SLC2A11: variants seen among roughly 807,000 people sequenced by gnomAD.
SLC2A11 encodes solute carrier family 2, facilitated glucose transporter member 11.
Under a neutral mutation model 52.1 loss-of-function variants are expected in SLC2A11, and 43 were observed. The observed-to-expected ratio is 0.82, with a 90% CI of 0.65 to 1.06. The LOEUF is 1.06. Ranked by LOEUF, SLC2A11 falls within the 50% of genes least tolerant of loss-of-function variation. The probability of loss-of-function intolerance (pLI) is 0.00; values close to 1 mark genes in which losing one functional copy is unlikely to be tolerated. For synonymous variants in SLC2A11, 261 were observed against 277.6 expected, an observed-to-expected ratio of 0.94 and a Z score of 0.59; for missense variants, 582 against 654.2, an observed-to-expected ratio of 0.89 and a Z score of 1.20.
intron 1 of SLC2A11, among the ~76,000 whole-genome samples, chr22:23,858,515 T>C (rs1386500454): frequency 6.6e-6 from 1 of 152,228 alleles, no homozygotes; most frequent in Non-Finnish European, 1.5e-5. Context: ...CTGATTTCTT[T>C]AGGTATTTGC....
chr22:23,883,557 C>T (rs1226920526), intron 8 of SLC2A11: 6 of 501,598 alleles, frequency 1.2e-5, no homozygotes, highest in Admixed American at 3.9e-5. Flanking sequence ...CTACGGTTTG[C>T]GGGTCACTTC....
chr22:23,879,176 G>A (rs1418270062), intron 6 of SLC2A11, among the ~76,000 whole-genome samples: 2 of 152,002 alleles, frequency 1.3e-5, no homozygotes, highest in African/African-American at 2.4e-5. Flanking sequence ...ACAGGTTCTC[G>A]CTTGTCCAGG....
In SLC2A11 at chr22:23,886,102, A is replaced by G. The variant is rs759154934; in HGVS notation, c.*1253A>G. ...TGAAGTCATTCCGTACTGTATGTAC[A>G]CATTTGTGTCTGGCTTGGCTCCAGA... is the stretch of plus-strand genomic sequence containing the variant. On this transcript the variant is annotated 3_prime_UTR_variant, in exon 12 of 12. Transcript: ENST00000316185. The G allele has an allele frequency of 9.9e-5, 15 of 152,238 alleles. No homozygotes were observed. The highest frequency in any genetic ancestry group is 2.9e-5 in the Non-Finnish European group (2 of 68,054). The allele number at this position is 152,238 out of a possible 1,614,324, so 9.4% of individuals were successfully genotyped here.
At chr22:23,860,627 G>A (rs2032015024) in intron 1 of SLC2A11, among the ~76,000 whole-genome samples, 1 of 151,582 alleles carries the variant, frequency 6.6e-6, no homozygotes, top group African/African-American at 2.4e-5. Flanking sequence ...CCAGCTACTC[G>A]GGAGGCTGAG....
At chr22:23,876,072 G>C (rs1012823475) in intron 4 of SLC2A11, among the ~76,000 whole-genome samples, 2 of 152,120 alleles carry the variant, frequency 1.3e-5, no homozygotes, top group African/African-American at 2.4e-5. Flanking sequence ...ATGGCAGCTG[G>C]CTTCTTCCAG....
At chr22:23,867,377 T>C (rs867262144) in intron 2 of SLC2A11, 76 of 164,314 alleles carry the variant, frequency 4.6e-4, no homozygotes, top group African/African-American at 1.8e-3. Flanking sequence ...TTTGTATTTT[T>C]AGTAGAGATG....
At chr22:23,869,590 C>T in intron 3 of SLC2A11, 1 of 172,386 alleles carries the variant, frequency 5.8e-6, no homozygotes. Flanking sequence ...ATCGAGGCTG[C>T]AGTGAGCCTT....
Position 23,877,385 on chromosome 22 carries a change from G to C in SLC2A11, c.545+214G>C. The C allele has an allele frequency of 4.5e-6, 4 of 889,324 alleles. No homozygotes were observed. The East Asian group carries it at 7.9e-5, about 18-fold the overall frequency. The allele number at this position is 889,324 out of a possible 1,614,324, so 55.1% of individuals were successfully genotyped here. A position where few individuals can be genotyped will look rare whatever the true frequency, so the allele number is the denominator to read the frequency against. ...AATCACCTTTTCCCATCCTCTCCAG[G>C]TCAGGGAGCAAAGAACAGGTCTTCA... On this transcript the variant is annotated intron_variant, in intron 5 of 11. Transcript: ENST00000316185.
At chr22:23,879,878 G>A (rs1351648177) in intron 6 of SLC2A11, 1 of 152,256 alleles carries the variant, frequency 6.6e-6, no homozygotes, top group East Asian at 1.9e-4. Flanking sequence ...GTTGCACAAT[G>A]TGCTGCTTTT....
In SLC2A11 at chr22:23,877,870, GTGAGT is replaced by G. The variant is rs2032675716; in HGVS notation, c.694+2_694+6del. On this transcript the variant is annotated splice_donor_variant and splice_donor_5th_base_variant and intron_variant, in intron 6 of 11. Coordinates refer to ENST00000316185, the MANE Select transcript of SLC2A11 (RefSeq NM_001024939.4). LOFTEE classifies it high-confidence loss of function. ...GGAGACACCGAGGCCTGCCTGGCAG[GTGAGT>G]CTCTGTCCTTGGGCTCCCAGACTGC... The G allele has an allele frequency of 3.1e-6, 5 of 1,608,794 alleles. No individual in the cohort carries two copies. Among genetic ancestry groups the G allele is most frequent in the Non-Finnish European group, 3.4e-6 (4 of 1,177,262 alleles).
upstream of SLC2A11, chr22:23,857,822 T>C: frequency 6.8e-7 from 1 of 1,473,920 alleles, no homozygotes; most frequent in Non-Finnish European, 8.9e-7. Context: ...GCGCTACAGC[T>C]TCGTCTCGAC....
chr22:23,884,194 C>T lies in SLC2A11; in HGVS notation c.1172-108C>T. On this transcript the variant is annotated intron_variant, in intron 10 of 11. Transcript: ENST00000316185. The surrounding 1 kb of genome is among the most constrained non-coding windows in gnomAD (Gnocchi z 4.3). ...GCAGGAGGAGAGCACTGAGGGGCCC[C>T]CCATACAGACTGGGCCTGGGCTCCC... The T allele has an allele frequency of 6.7e-7, 1 of 1,496,588 alleles. No individual in the cohort carries two copies. Among genetic ancestry groups the T allele is most frequent in the Non-Finnish European group, 8.9e-7 (1 of 1,122,610 alleles). 92.7% of individuals were successfully genotyped at this position (1,496,588 alleles called of 1,614,324 possible).
chr22:23,870,239 C>T, intron 3 of SLC2A11: 1 of 555,616 alleles, frequency 1.8e-6, no homozygotes. Context: ...ATACCTGGTA[C>T]AGTTGGCATA....
At chr22:23,883,418 C>A (rs1043327958) in intron 8 of SLC2A11, 32 of 349,440 alleles carry the variant, frequency 9.2e-5, no homozygotes, top group African/African-American at 6.5e-4. Context: ...CTGCAGTAAA[C>A]CGAGATTGTG....
intron 3 of SLC2A11, among the ~76,000 whole-genome samples, chr22:23,874,870 C>T (rs917411299): frequency 5.9e-5 from 9 of 152,216 alleles, no homozygotes; most frequent in African/African-American, 2.2e-4. Flanking sequence ...AAGGCATGAG[C>T]CACCATGCCC....
chr22:23,874,946 C>T, intron 3 of SLC2A11, 171 bp from the exon 4 acceptor site: 1 of 636,604 alleles, frequency 1.6e-6, no homozygotes, highest in Non-Finnish European at 2.3e-6. Flanking sequence ...TAGGAGCTCT[C>T]ATCTCATTTG....
At position 23,877,036 on chromosome 22, in the gene SLC2A11, G is replaced by A. The variant is rs373228246; in HGVS notation, c.416-6G>A. 6.2e-6 allele frequency: 10 copies of A among 1,613,780 alleles called. No homozygotes were observed. In the African/African-American group the frequency reaches 8.0e-5, roughly 13 times the overall value. ...GCTGACGTGCCTCTGCTGTGCACAC[G>A]TCCAGGTGTGAGCATGAACATCCAG... is the stretch of plus-strand genomic sequence containing the variant. On this transcript the variant is annotated splice_polypyrimidine_tract_variant and splice_region_variant and intron_variant, in intron 4 of 11. Transcript: ENST00000316185.
At chr22:23,867,892 C>G in intron 2 of SLC2A11, 1 of 364,878 alleles carries the variant, frequency 2.7e-6, no homozygotes, top group Non-Finnish European at 5.8e-6. Flanking sequence ...CATAACAAAC[C>G]AGTAAATGTA....
At chr22:23,879,985 G>A (rs1234150787) in intron 6 of SLC2A11, among the ~76,000 whole-genome samples, 5 of 152,070 alleles carry the variant, frequency 3.3e-5, no homozygotes, top group Non-Finnish European at 5.9e-5. Flanking sequence ...AGGCTGAGGC[G>A]GGCAGATCAC....
Sources: allele counts gnomAD v4.1 joint callset (sites outside exome capture counted in the v4.1 genomes callset), GRCh38; gene constraint gnomAD v4.1.1; non-coding constraint Gnocchi (gnomAD v3.1); transcripts MANE v1.5; gene names NCBI Gene and HGNC (gene_info 2026-07-23, HGNC 2026-07-21).